The following PRSS41 variants were observed in gnomAD, a reference collection of about 807,000 sequenced individuals.
PRSS41 encodes protease, serine 41.
In PRSS41, 37 loss-of-function variants were observed where a neutral mutation model predicts 28.8. The ratio of observed to expected loss-of-function variants is 1.29; its 90% CI spans 0.99 to 1.69. The LOEUF is 1.69. Among genes scored for constraint, PRSS41 ranks in the 40% most tolerant of loss-of-function variants. The pLI is 0.00. For missense variants in PRSS41, 431 were observed against 400.7 expected (o/e 1.08, Z -0.65); for synonymous variants, 195 against 163.1 (o/e 1.20, Z -1.49).
chr16:2,801,974 C>A (rs1387145558), intron 4 of PRSS41, among the ~76,000 whole-genome samples: 1 of 144,698 alleles, frequency 6.9e-6, no homozygotes, highest in Non-Finnish European at 1.5e-5. Flanking sequence ...GGGGGGCTGA[C>A]CCCCCCACCT....
chr16:2,798,699 G>T, intron 2 of PRSS41, 37 bp downstream of exon 2: 1 of 1,432,960 alleles, frequency 7.0e-7, no homozygotes, highest in African/African-American at 1.5e-5. Context: ...AGCCAGGGCG[G>T]CTGGGCCGGG....
chr16:2,798,472 G>A, upstream of PRSS41: 3 of 1,467,922 alleles, frequency 2.0e-6, no homozygotes, highest in Non-Finnish European at 2.7e-6. Context: ...GCCAGGCCGC[G>A]GGAGAGGAGG....
intron 5 of PRSS41, 128 bp downstream of exon 5, chr16:2,804,674 C>CA (rs1211404496): frequency 1.2e-5 from 12 of 981,510 alleles, no homozygotes; most frequent in East Asian, 2.6e-5. Flanking sequence ...AGTGCAGTCT[C>CA]AGTTACTGAG....
intron 2 of PRSS41, 66 bp from the exon 3 acceptor site, chr16:2,798,893 G>C: frequency 6.9e-7 from 1 of 1,447,028 alleles, no homozygotes; most frequent in Non-Finnish European, 9.0e-7. Flanking sequence ...GGGCAAAGCC[G>C]GGCAGGGCGG....
intron 4 of PRSS41, among the ~76,000 whole-genome samples, chr16:2,802,654 C>T (rs2068997140): frequency 6.6e-6 from 1 of 152,236 alleles, no homozygotes; most frequent in Non-Finnish European, 1.5e-5. Context: ...CCGAGGCTGG[C>T]GGATCACTCG....
At chr16:2,802,373 G>T (rs967033560) in intron 4 of PRSS41, among the ~76,000 whole-genome samples, 9 of 151,460 alleles carry the variant, frequency 5.9e-5, no homozygotes, top group Admixed American at 3.9e-4. Context: ...TGGCGGCCGG[G>T]CGGAGACGCT....
intron 4 of PRSS41, among the ~76,000 whole-genome samples, chr16:2,801,471 G>C (rs2068985714): frequency 6.6e-6 from 1 of 150,958 alleles, no homozygotes; most frequent in African/African-American, 2.4e-5. Flanking sequence ...GGTTTTCCTA[G>C]GCAGAGGACC....
upstream of PRSS41, chr16:2,798,471 C>T (rs1005405854): frequency 4.6e-5 from 67 of 1,465,244 alleles, no homozygotes; most frequent in African/African-American, 1.5e-4. Flanking sequence ...CGCCAGGCCG[C>T]GGGAGAGGAG....
chr16:2,804,427 G>A (rs1177955165), exon 5 of PRSS41: 3 of 1,551,502 alleles, frequency 1.9e-6, no homozygotes, highest in African/African-American at 2.7e-5. Context: ...GGAAGCACAG[G>A]TCACCATCTT....
chr16:2,801,579 A>C (rs903836659), intron 4 of PRSS41, among the ~76,000 whole-genome samples: 2 of 151,540 alleles, frequency 1.3e-5, no homozygotes, highest in East Asian at 1.9e-4. Context: ...CTGTTTAACA[A>C]AGCACATCTT....
In PRSS41 at chr16:2,799,475, CATCCAGCCCATTTGCAT is replaced by C. The variant is rs1567267270; in HGVS notation, c.448_464del (p.Ile150ArgfsTer48). ...CCTCTTCTGTCACCTACAATGCGTA[CATCCAGCCCATTTGCAT>C]CGAGTCTTCCACCTTCAACTTCGTG... On this transcript the variant is annotated frameshift_variant, in exon 4 of 6. Coordinates refer to ENST00000399677, the Ensembl canonical transcript of PRSS41. LOFTEE classifies it high-confidence loss of function. 1 of 1,552,226 alleles carries C rather than the reference CATCCAGCCCATTTGCAT, an allele frequency of 6.4e-7. No homozygotes were observed. The highest frequency in any genetic ancestry group is 2.0e-5 in the Admixed American group (1 of 51,010).
rs1333247278 is a variant in PRSS41 at position 2,798,720 on chromosome 16, G to A, written c.91+58G>A. On this transcript the variant is annotated intron_variant, in intron 2 of 5. Transcript: ENST00000399677. The stretch of plus-strand genomic sequence containing the variant: ...GGCGGCTGGGCCGGGGTGCACGGGG[G>A]CCCATCTACTGCTCTCTGTTCCAGG... 2.2e-6 allele frequency: 3 copies of A among 1,376,496 alleles called. No homozygotes were observed. The East Asian group carries it at 8.5e-5, about 39-fold the overall frequency. 85.3% of individuals were successfully genotyped at this position (1,376,496 alleles called of 1,614,324 possible).
intron 4 of PRSS41, among the ~76,000 whole-genome samples, chr16:2,799,921 A>G (rs2068975701): frequency 2.0e-5 from 3 of 152,366 alleles, no homozygotes; most frequent in Admixed American, 2.0e-4. Context: ...CTCACAAACC[A>G]TAAAATTTTC....
intron 2 of PRSS41, 51 bp from the exon 3 acceptor site, chr16:2,798,908 G>GCCCCCCCCCCCC: frequency 7.1e-7 from 1 of 1,415,404 alleles, no homozygotes; most frequent in Non-Finnish European, 9.4e-7. Context: ...GGGCGGGCCT[G>GCCCCCCCCCCCC]CCCACCCCAC....
intron 4 of PRSS41, among the ~76,000 whole-genome samples, chr16:2,801,409 G>A (rs1214005761): frequency 9.4e-5 from 14 of 149,644 alleles, no homozygotes; most frequent in East Asian, 1.9e-4. Flanking sequence ...GCAGGGTCAT[G>A]GGACAATAGT....
chr16:2,801,917 C>T (rs1264875757), intron 4 of PRSS41, among the ~76,000 whole-genome samples: 1 of 151,564 alleles, frequency 6.6e-6, no homozygotes, highest in African/African-American at 2.4e-5. Context: ...GTAGGGGCGG[C>T]CGGGCAGAGG....
At chr16:2,799,011 C>T (rs998040944) in exon 3 of PRSS41, 36 of 1,531,876 alleles carry the variant, frequency 2.4e-5, no homozygotes, top group East Asian at 2.0e-4. Context: ...GAGTGGAGTC[C>T]GCGCGCGGGC....
exon 3 of PRSS41, chr16:2,799,064 G>A: frequency 1.3e-6 from 2 of 1,533,980 alleles, no homozygotes; most frequent in East Asian, 2.4e-5. Flanking sequence ...AGACGCCACC[G>A]ATGTGGAGGG....
At chr16:2,801,521 G>A (rs1156652313) in intron 4 of PRSS41, among the ~76,000 whole-genome samples, 2 of 151,502 alleles carry the variant, frequency 1.3e-5, no homozygotes, top group African/African-American at 2.4e-5. Flanking sequence ...GATTACTTGA[G>A]ATTAGGGATT....
Sources: allele counts gnomAD v4.1 joint callset (sites outside exome capture counted in the v4.1 genomes callset), GRCh38; gene constraint gnomAD v4.1.1; transcripts MANE v1.5; gene names NCBI Gene and HGNC (gene_info 2026-07-23, HGNC 2026-07-21).